The following SPTB variants were observed in gnomAD, a reference collection of about 807,000 sequenced individuals.
SPTB encodes the protein spectrin beta, erythrocytic.
A neutral mutation model predicts 256.2 loss-of-function variants in SPTB; 45 were observed. The observed-to-expected ratio is 0.18, with a 90% CI of 0.14 to 0.23. The LOEUF (loss-of-function observed/expected upper bound fraction) is 0.23, where lower values mean the gene tolerates loss of function less well. SPTB is among the 10% of genes least tolerant of loss of function. The pLI is 1.00. For missense variants in SPTB, 2,715 were observed against 3,040.4 expected (o/e 0.89, Z 2.52); for synonymous variants, 1,231 against 1,243.1 (o/e 0.99, Z 0.21).
At position 64,866,885 on chromosome 14, in the gene SPTB, GCTTTT is replaced by G. The variant is rs1446351012; in HGVS notation, c.-52+12902_-52+12906del. Among the ~76,000 whole-genome samples, 2 of 151,980 alleles carry G rather than the reference GCTTTT, an allele frequency of 1.3e-5. No homozygotes were observed. Among genetic ancestry groups the G allele is most frequent in the Non-Finnish European group, 2.9e-5 (2 of 67,996 alleles). The stretch of plus-strand genomic sequence containing the variant: ...ATTTTCAGTCTTTTTTTTCTGAAGT[GCTTTT>G]CTTAACTCTTTATTGTTATGAAACA... On this transcript the variant is annotated intron_variant, in intron 1 of 35. Transcript: ENST00000644917. This position sits in a 1 kb window ranked among gnomAD's most constrained non-coding sequence, Gnocchi z 4.6.
At position 64,792,935 on chromosome 14, in the gene SPTB, G is replaced by A. The variant is rs1594781808; in HGVS notation, c.2666+62C>T. ...TGATCCAGAGACTATTACCAAACTA[G>A]GTGGGAGATGGTGCCCAGGCCTGGG... On this transcript the variant is annotated intron_variant, in intron 14 of 35. Coordinates refer to ENST00000644917, the MANE Select transcript of SPTB (RefSeq NM_001355436.2). The surrounding 1 kb of genome is among the most constrained non-coding windows in gnomAD (Gnocchi z 4.2). The A allele has an allele frequency of 6.2e-7, 1 of 1,610,578 alleles. No individual in the cohort carries two copies. Among genetic ancestry groups the A allele is most frequent in the East Asian group, 2.2e-5 (1 of 44,854 alleles).
At chr14:64,830,822 C>T (rs1031003755) in intron 1 of SPTB, among the ~76,000 whole-genome samples, 8 of 152,126 alleles carry the variant, frequency 5.3e-5, no homozygotes, top group Non-Finnish European at 1.0e-4. Context: ...TATGTGAACT[C>T]TGCTCTAGTC....
chr14:64,796,776 T>TCCAC lies in SPTB; in HGVS notation c.1183-65_1183-62dup. 1 of 1,602,714 alleles carries TCCAC rather than the reference T, an allele frequency of 6.2e-7. No homozygotes were observed. The highest frequency in any genetic ancestry group is 8.5e-7 in the Non-Finnish European group (1 of 1,172,740). On this transcript the variant is annotated intron_variant, in intron 10 of 35. Coordinates refer to ENST00000644917, the MANE Select transcript of SPTB (RefSeq NM_001355436.2). The surrounding 1 kb of genome is among the most constrained non-coding windows in gnomAD (Gnocchi z 4.1). ...AGGAGAAATGCCTCACTTTGGGGGC[T>TCCAC]CCACCCCTTTCACCCAACACTGAGT...
chr14:64,759,203 G>A lies in SPTB; in HGVS notation c.6346-5410C>T, dbSNP rs571959866. Among the ~76,000 whole-genome samples, 3 of 152,280 alleles carry A rather than the reference G, an allele frequency of 2.0e-5. No individual in the cohort carries two copies. Among genetic ancestry groups the A allele is most frequent in the Admixed American group, 6.5e-5 (1 of 15,302 alleles). Reference sequence around the variant, plus strand: ...CTATCCACACAATGCCTCTGAAATCGGAAAGGGCACCACAGGTGGTGTGGG... The same window carrying A: ...CTATCCACACAATGCCTCTGAAATCAGAAAGGGCACCACAGGTGGTGTGGG... On this transcript the variant is annotated intron_variant, in intron 32 of 35. Coordinates refer to ENST00000644917, the MANE Select transcript of SPTB (RefSeq NM_001355436.2). The surrounding 1 kb of genome is among the most constrained non-coding windows in gnomAD (Gnocchi z 4.8).
chr14:64,789,431 G>T (rs1037427993), intron 15 of SPTB, among the ~76,000 whole-genome samples: 68 of 152,070 alleles, frequency 4.5e-4, no homozygotes, highest in African/African-American at 1.6e-3. Context: ...ACATAAACAA[G>T]TCTATAATCC....
At chr14:64,808,301 C>T (rs1050270717) in intron 2 of SPTB, among the ~76,000 whole-genome samples, 3 of 152,112 alleles carry the variant, frequency 2.0e-5, no homozygotes, top group Non-Finnish European at 2.9e-5. Context: ...CATGAGCCAC[C>T]GTGCATGGCC....
At chr14:64,863,940 G>A (rs1215070676) in intron 1 of SPTB, among the ~76,000 whole-genome samples, 2 of 152,204 alleles carry the variant, frequency 1.3e-5, no homozygotes, top group East Asian at 3.8e-4. Context: ...ACTATTGTGA[G>A]AATTAAATGA....
At chr14:64,753,494 G>A (rs775232504) in intron 33 of SPTB, 43 bp downstream of exon 33, 4 of 1,611,964 alleles carry the variant, frequency 2.5e-6, no homozygotes, top group African/African-American at 1.3e-5. Flanking sequence ...ATCCCTGAGA[G>A]CTGCCCAACC....
Position 64,795,209 on chromosome 14 carries a change from G to T in SPTB, c.1644+128C>A. On this transcript the variant is annotated intron_variant, in intron 12 of 35. Coordinates refer to ENST00000644917, the MANE Select transcript of SPTB (RefSeq NM_001355436.2). This position sits in a 1 kb window ranked among gnomAD's most constrained non-coding sequence, Gnocchi z 6.5. ...TGCAGCTAGACACTTTGCTGCCTCA[G>T]TTTCTCTATTTTGACTCAGAGATAT... The T allele has an allele frequency of 8.8e-7, 1 of 1,141,764 alleles. No homozygotes were observed. Among genetic ancestry groups the T allele is most frequent in the Non-Finnish European group, 1.2e-6 (1 of 810,030 alleles). The allele number at this position is 1,141,764 out of a possible 1,614,324, so 70.7% of individuals were successfully genotyped here.
Position 64,785,708 on chromosome 14 carries a change from TGTGGCTCTGGGGGCCTC to T in SPTB, c.3764+24_3764+40del, listed in dbSNP as rs1282743575. The T allele has an allele frequency of 1.2e-6, 2 of 1,613,188 alleles. No individual in the cohort carries two copies. The highest frequency in any genetic ancestry group is 1.1e-5 in the South Asian group (1 of 91,060). ...AAGCTTGGGGTCCTCACTACCCCCGTGTGGCTCTGGGGGCCTCGTGGCCCTGGGGCCCGGGAGTACCT... is the reference window on the plus strand; with the variant it reads ...AAGCTTGGGGTCCTCACTACCCCCGTGTGGCCCTGGGGCCCGGGAGTACCT... On this transcript the variant is annotated intron_variant, in intron 17 of 35. Coordinates refer to ENST00000644917, the MANE Select transcript of SPTB (RefSeq NM_001355436.2). This position sits in a 1 kb window ranked among gnomAD's most constrained non-coding sequence, Gnocchi z 4.4.
intron 31 of SPTB, among the ~76,000 whole-genome samples, 167 bp downstream of exon 31, chr14:64,767,136 A>C (rs1012176169): frequency 2.0e-5 from 3 of 152,150 alleles, no homozygotes; most frequent in African/African-American, 7.2e-5. Flanking sequence ...CTGGGGAAGC[A>C]AAAGGTCCTC....
At chr14:64,839,985 A>C (rs1014647568) in intron 1 of SPTB, among the ~76,000 whole-genome samples, 2 of 152,246 alleles carry the variant, frequency 1.3e-5, no homozygotes, top group Non-Finnish European at 2.9e-5. Flanking sequence ...TTGTCTATGT[A>C]AACAATGTCT....
At chr14:64,767,175 TC>T (rs2082198713) in intron 31 of SPTB, 127 bp downstream of exon 31, 2 of 1,251,208 alleles carry the variant, frequency 1.6e-6, no homozygotes, top group Non-Finnish European at 2.3e-6. Context: ...CTCTGGGCCT[TC>T]CTGACGAGGG....
rs2082904689 is a variant in SPTB at position 64,802,470 on chromosome 14, T to G, written c.475-153A>C. 6.6e-6 allele frequency among the ~76,000 whole-genome samples: 1 copy of G among 152,128 alleles called. No homozygotes were observed. The highest frequency in any genetic ancestry group is 6.5e-5 in the Admixed American group (1 of 15,268). On this transcript the variant is annotated intron_variant, in intron 4 of 35. Transcript: ENST00000644917. This position sits in a 1 kb window ranked among gnomAD's most constrained non-coding sequence, Gnocchi z 5.1. ...GTATAAATGGCGCTTGGGTTGGGTCTCCCTTCATGTGCCCTGCTCCCTGCA... is the reference window on the plus strand; with the variant it reads ...GTATAAATGGCGCTTGGGTTGGGTCGCCCTTCATGTGCCCTGCTCCCTGCA...
rs2139506841 is a variant in SPTB at position 64,773,423 on chromosome 14, C to T, written c.4975G>A (p.Glu1659Lys). The T allele has an allele frequency of 2.5e-6, 4 of 1,613,834 alleles. No homozygotes were observed. The highest frequency in any genetic ancestry group is 3.4e-6 in the Non-Finnish European group (4 of 1,180,038). ...GLLSAGHPEG[E>K]QIIRLQGQVD... ...TGCCCCTGAAGTCTGATGATCTGTT[C>T]CCTGGAATTCAAAACCAAAAAGGCC... is the stretch of plus-strand genomic sequence containing the variant. Residue 1659 changes from glutamate (E) to lysine (K), a missense_variant and splice_region_variant, in exon 25 of 36, where the codon GAA becomes AAA. By Grantham distance (56) the Glu-to-Lys change is moderately conservative. Coordinates refer to ENST00000644917, the MANE Select transcript of SPTB (RefSeq NM_001355436.2).
rs754403061 is a variant in SPTB at position 64,804,945 on chromosome 14, C to A, written c.294G>T (p.Glu98Asp). Residue 98 changes from glutamate (E) to aspartate (D), a missense_variant, in exon 3 of 36, where the codon GAG (glutamate) becomes GAT (aspartate). Glu to Asp is a conservative substitution (Grantham distance 45, BLOSUM62 2). Around this residue, in one of 4 missense-constraint regions of SPTB, gnomAD observed 416 missense variants for 571.1 expected, o/e 0.73. Transcript: ENST00000644917. ...CCCACAGAAGGGACTTTACCAGCAT[C>A]TCTCCAGAGAGCACCTCCAGCAGCT... ...LIKLLEVLSG[E>D]MLPKPTKGKM... 1 of 1,614,048 alleles carries A rather than the reference C, an allele frequency of 6.2e-7. No homozygotes were observed. The highest frequency in any genetic ancestry group is 1.7e-5 in the Admixed American group (1 of 60,008).
intron 2 of SPTB, among the ~76,000 whole-genome samples, chr14:64,817,469 C>T (rs2083212348): frequency 6.6e-6 from 1 of 152,248 alleles, no homozygotes; most frequent in African/African-American, 2.4e-5. Context: ...ACAAACCTCC[C>T]ATTAATGACA....
chr14:64,863,281 T>C (rs904164617), intron 1 of SPTB, among the ~76,000 whole-genome samples: 15 of 152,082 alleles, frequency 9.9e-5, no homozygotes, highest in Non-Finnish European at 2.2e-4. Context: ...TAAAATACAC[T>C]AACACTAATG....
chr14:64,782,386 G>T lies in SPTB; in HGVS notation c.4170C>A (p.Asp1390Glu). ...CCATGGCGCTGATCCACTTGTTGAG[G>T]TCAGCATGGGTCTGCAAGCGCAGGT... is the stretch of plus-strand genomic sequence containing the variant. ...SSDLRLQTHA[D>E]LNKWISAMED... is the part of the protein sequence containing the mutation. Residue 1390 changes from aspartate (D) to glutamate (E), a missense_variant, in exon 20 of 36, where the codon GAC becomes GAA. Asp to Glu is a conservative substitution (Grantham distance 45, BLOSUM62 2). Around this residue, in one of 4 missense-constraint regions of SPTB, gnomAD observed 2,239 missense variants for 2,384.4 expected, o/e 0.94. Coordinates refer to ENST00000644917, the MANE Select transcript of SPTB (RefSeq NM_001355436.2). 8 of 1,614,170 alleles carry T rather than the reference G, an allele frequency of 5.0e-6. No individual in the cohort carries two copies. Among genetic ancestry groups the T allele is most frequent in the Non-Finnish European group, 6.8e-6 (8 of 1,180,048 alleles).
Sources: gnomAD v4.1 joint callset for allele counts (sites outside exome capture counted in the v4.1 genomes callset) on GRCh38, gnomAD v4.1.1 for gene constraint, gnomAD v4.1.1 regional missense constraint, Gnocchi (gnomAD v3.1) non-coding constraint, MANE v1.5 for transcripts, NCBI Gene and HGNC (gene_info 2026-07-23, HGNC 2026-07-21) for gene names.